SH3BGRL2: variants seen among roughly 807,000 people sequenced by gnomAD.
SH3BGRL2 encodes the protein SH3 domain binding glutamate rich protein like 2, also known as SH3 domain-binding glutamic acid-rich-like protein 2.
In SH3BGRL2, 21 loss-of-function variants were observed where a neutral mutation model predicts 14.8. The observed-to-expected ratio is 1.42, with a 90% CI of 1.01 to 2.05. The LOEUF is 2.05. Ranked by LOEUF, SH3BGRL2 falls within the 30% of genes most tolerant of loss-of-function variation. SH3BGRL2 has a pLI of 0.00. For missense variants in SH3BGRL2, 147 were observed against 130.8 expected (o/e 1.12, Z -0.61); for synonymous variants, 50 against 47.8 (o/e 1.05, Z -0.19).
chr6:79,545,605 T>C, the SH3BGRL2 span, among the ~76,000 whole-genome samples: 1 of 152,198 alleles, frequency 6.6e-6, no homozygotes, highest in Non-Finnish European at 1.5e-5. Flanking sequence ...TCGTTTACAA[T>C]TCCCTCTCAC....
chr6:79,557,372 CATG>C, the SH3BGRL2 span, among the ~76,000 whole-genome samples: 16 of 151,848 alleles, frequency 1.1e-4, no homozygotes, highest in East Asian at 3.1e-3. Flanking sequence ...TTGCCTAATT[CATG>C]ATAATTTGAG....
chr6:79,664,833 A>G (rs571767257), intron 1 of SH3BGRL2, among the ~76,000 whole-genome samples: 1 of 152,372 alleles, frequency 6.6e-6, no homozygotes, highest in South Asian at 2.1e-4. Context: ...AGGAGACAAG[A>G]TTTAGAAAAA....
chr6:79,652,319 G>T (rs1295946786), intron 1 of SH3BGRL2, among the ~76,000 whole-genome samples: 1 of 152,142 alleles, frequency 6.6e-6, no homozygotes, highest in African/African-American at 2.4e-5. Flanking sequence ...CTTTTATAGC[G>T]ACTTTACTGA....
the SH3BGRL2 span, among the ~76,000 whole-genome samples, chr6:79,613,759 A>G: frequency 2.0e-5 from 3 of 152,042 alleles, no homozygotes; most frequent in African/African-American, 4.8e-5. Context: ...GGTGCCCGCC[A>G]CCATGCCTGG....
chr6:79,608,539 CAAG>C, the SH3BGRL2 span, among the ~76,000 whole-genome samples: 1 of 152,168 alleles, frequency 6.6e-6, no homozygotes, highest in Non-Finnish European at 1.5e-5. Flanking sequence ...GTAACTGTTT[CAAG>C]AAGTTCTGAC....
the SH3BGRL2 span, among the ~76,000 whole-genome samples, chr6:79,625,556 A>T: frequency 6.6e-6 from 1 of 152,210 alleles, no homozygotes; most frequent in Non-Finnish European, 1.5e-5. Flanking sequence ...ATGGCACTGT[A>T]TAAAGAGGCT....
intron 2 of SH3BGRL2, among the ~76,000 whole-genome samples, chr6:79,679,164 C>T (rs1769941551): frequency 6.6e-6 from 1 of 151,994 alleles, no homozygotes; most frequent in South Asian, 2.1e-4. Context: ...TTGAAAGATA[C>T]CTTTGTTTTA....
At chr6:79,623,953 C>T in the SH3BGRL2 span, among the ~76,000 whole-genome samples, 1 of 152,094 alleles carries the variant, frequency 6.6e-6, no homozygotes, top group Admixed American at 6.5e-5. Flanking sequence ...TTTTAAATGG[C>T]CTTTATGCCT....
chr6:79,675,243 G>A (rs1268786643), intron 2 of SH3BGRL2, among the ~76,000 whole-genome samples: 3 of 152,154 alleles, frequency 2.0e-5, no homozygotes, highest in Non-Finnish European at 2.9e-5. Flanking sequence ...TGGTTTAGTG[G>A]TAGTTTCTGG....
chr6:79,698,842 A>G (rs965800597), intron 3 of SH3BGRL2, among the ~76,000 whole-genome samples: 2 of 152,168 alleles, frequency 1.3e-5, no homozygotes, highest in East Asian at 1.9e-4. Context: ...AAGGGAGGCC[A>G]TTTCACCGAT....
chr6:79,558,661 T>C, the SH3BGRL2 span, among the ~76,000 whole-genome samples: 1 of 151,670 alleles, frequency 6.6e-6, no homozygotes, highest in East Asian at 1.9e-4. Context: ...GCCCAGGAGT[T>C]GGAGACAAGC....
intron 1 of SH3BGRL2, among the ~76,000 whole-genome samples, chr6:79,657,858 A>G (rs1384637165): frequency 6.6e-6 from 1 of 152,242 alleles, no homozygotes; most frequent in Non-Finnish European, 1.5e-5. Context: ...AAATAATTAA[A>G]AGCAAATATT....
intron 1 of SH3BGRL2, among the ~76,000 whole-genome samples, chr6:79,670,520 G>T (rs904563786): frequency 1.2e-4 from 18 of 152,286 alleles, no homozygotes; most frequent in African/African-American, 3.8e-4. Context: ...AGCTCTTATT[G>T]CCAGGCTCTA....
the SH3BGRL2 span, among the ~76,000 whole-genome samples, chr6:79,538,457 G>A: frequency 5.3e-4 from 81 of 152,164 alleles, no homozygotes; most frequent in African/African-American, 1.9e-3. Flanking sequence ...ACAATATTGT[G>A]ATTAAATGTA....
intron 2 of SH3BGRL2, among the ~76,000 whole-genome samples, chr6:79,677,321 C>T (rs900024360): frequency 3.3e-5 from 5 of 152,156 alleles, no homozygotes; most frequent in African/African-American, 1.2e-4. Flanking sequence ...GCATGTGAGG[C>T]ATAGAGTAAA....
chr6:79,650,717 A>G (rs1283907252), intron 1 of SH3BGRL2, among the ~76,000 whole-genome samples: 1 of 151,962 alleles, frequency 6.6e-6, no homozygotes, highest in African/African-American at 2.4e-5. Flanking sequence ...TGCCCCCATG[A>G]CTCAAAAACT....
chr6:79,664,254 C>T (rs1252675709), intron 1 of SH3BGRL2, among the ~76,000 whole-genome samples: 2 of 152,214 alleles, frequency 1.3e-5, no homozygotes, highest in East Asian at 1.9e-4. Flanking sequence ...GCATCGATCA[C>T]GCTGGGATCT....
chr6:79,615,046 G>A, the SH3BGRL2 span, among the ~76,000 whole-genome samples: 1 of 107,116 alleles, frequency 9.3e-6, no homozygotes, highest in Non-Finnish European at 2.2e-5. Context: ...CTGCATAAGC[G>A]ACTGATAAGG....
At chr6:79,578,091 C>G in the SH3BGRL2 span, among the ~76,000 whole-genome samples, 1 of 152,178 alleles carries the variant, frequency 6.6e-6, no homozygotes, top group East Asian at 1.9e-4. Flanking sequence ...ATTGCTGAGG[C>G]TTGAGTAGGT....
Sources: allele counts gnomAD v4.1 joint callset (sites outside exome capture counted in the v4.1 genomes callset), GRCh38; gene constraint gnomAD v4.1.1; transcripts MANE v1.5; gene names NCBI Gene and HGNC (gene_info 2026-07-23, HGNC 2026-07-21).